The following USP43 variants were observed in gnomAD, a reference collection of about 807,000 sequenced individuals.
The protein encoded by USP43 is ubiquitin specific peptidase 43.
Under a neutral mutation model 90.7 loss-of-function variants are expected in USP43, and 33 were observed. The observed-to-expected ratio is 0.36, with a 90% CI of 0.28 to 0.49. USP43 has a LOEUF of 0.49. Ranked by LOEUF, USP43 falls within the 20% of genes least tolerant of loss-of-function variation. The pLI is 0.98. For synonymous variants in USP43, 598 were observed against 615.8 expected (o/e 0.97, Z 0.43); for missense variants, 1,274 against 1,476.4 (o/e 0.86, Z 2.25).
chr17:9,679,812 C>T (rs1799362601), intron 5 of USP43, among the ~76,000 whole-genome samples: 1 of 152,140 alleles, frequency 6.6e-6, no homozygotes, highest in Non-Finnish European at 1.5e-5. Context: ...AGTCACCCCT[C>T]TACTCTGCTA....
At chr17:9,662,534 G>A (rs1010703714) in intron 2 of USP43, among the ~76,000 whole-genome samples, 2 of 152,136 alleles carry the variant, frequency 1.3e-5, no homozygotes, top group Non-Finnish European at 2.9e-5. Context: ...GGTGAGCTAC[G>A]TCCACAGGTG....
chr17:9,682,553 G>C (rs761387087), intron 6 of USP43, among the ~76,000 whole-genome samples: 42 of 152,220 alleles, frequency 2.8e-4, no homozygotes, highest in Non-Finnish European at 5.0e-4. Context: ...CAGCCTGGGG[G>C]ACAGAGCGAG....
At chr17:9,669,097 G>C (rs1236320910) in intron 3 of USP43, among the ~76,000 whole-genome samples, 2 of 151,984 alleles carry the variant, frequency 1.3e-5, no homozygotes, top group African/African-American at 2.4e-5. Flanking sequence ...ACCTGCCTCG[G>C]CCTCCCAAAG....
chr17:9,649,677 TA>T (rs56962060), intron 1 of USP43, among the ~76,000 whole-genome samples: 14,412 of 107,994 alleles, frequency 0.13, 1,430 homozygotes, highest in African/African-American at 0.31. Flanking sequence ...TTGCACATTG[TA>T]AAAAAAAAAA....
chr17:9,672,335 C>T (rs80166344), intron 3 of USP43, among the ~76,000 whole-genome samples: 4,193 of 152,200 alleles, frequency 0.028, 145 homozygotes, highest in African/African-American at 0.084. Flanking sequence ...GCCCATTCTA[C>T]TTTTTTTCTA....
At chr17:9,664,118 G>C (rs753065968) in intron 2 of USP43, among the ~76,000 whole-genome samples, 4 of 152,138 alleles carry the variant, frequency 2.6e-5, no homozygotes, top group Non-Finnish European at 5.9e-5. Flanking sequence ...TGACCATTTT[G>C]AGCACTCATA....
chr17:9,664,960 A>G lies in USP43; in HGVS notation c.637-1688A>G, dbSNP rs1298447907. Among the ~76,000 whole-genome samples, 5 of 152,260 alleles carry G rather than the reference A, an allele frequency of 3.3e-5. No individual in the cohort carries two copies. In the East Asian group the frequency reaches 9.6e-4, roughly 29 times the overall value. On this transcript the variant is annotated intron_variant, in intron 2 of 14. Coordinates refer to ENST00000285199, the MANE Select transcript of USP43 (RefSeq NM_153210.5). ...TCAATATTTATATAGGTACGTTTAT[A>G]TTTTACTAAATAGCGTTATATTATG...
intron 8 of USP43, among the ~76,000 whole-genome samples, chr17:9,689,792 C>G (rs926666673): frequency 6.6e-6 from 1 of 152,128 alleles, no homozygotes; most frequent in Non-Finnish European, 1.5e-5. Context: ...AGTAGGCTGC[C>G]TCTGTGCAGA....
In USP43 at chr17:9,645,646, C is replaced by T; in HGVS notation, c.14C>T (p.Pro5Leu). 1 of 1,231,354 alleles carries T rather than the reference C, an allele frequency of 8.1e-7. No individual in the cohort carries two copies. The highest frequency in any genetic ancestry group is 1.0e-6 in the Non-Finnish European group (1 of 989,424). 76.3% of individuals were successfully genotyped at this position (1,231,354 alleles called of 1,614,324 possible). MDLG[P>L]GDAAGGGPLA... ...CCGGCGGCAGCCATGGACCTGGGCCCCGGGGACGCGGCAGGAGGGGGACCG... is the reference window on the plus strand; with the variant it reads ...CCGGCGGCAGCCATGGACCTGGGCCTCGGGGACGCGGCAGGAGGGGGACCG... Residue 5 changes from proline (P) to leucine (L), a missense_variant, in exon 1 of 15, where the codon CCC becomes CTC. Physicochemically the swap from Pro to Leu is moderately conservative, Grantham distance 98. Around this residue, in one of 6 missense-constraint regions of USP43, gnomAD observed 112 missense variants for 106.6 expected, o/e 1.05. Transcript: ENST00000285199. The surrounding 1 kb of genome is among the most constrained non-coding windows in gnomAD (Gnocchi z 6.8).
rs1917376125 is a variant in USP43, at chr17:9,728,207, A to G, written c.2589A>G (p.Ser863=). The G allele has an allele frequency of 6.2e-7, 1 of 1,613,972 alleles. No individual in the cohort carries two copies. Among genetic ancestry groups the G allele is most frequent in the Non-Finnish European group, 8.5e-7 (1 of 1,179,888 alleles). The change falls in exon 15 of 15, where the codon TCA becomes TCG. Residue 863 remains serine (S), a synonymous_variant. Transcript: ENST00000285199. The surrounding 1 kb of genome is among the most constrained non-coding windows in gnomAD (Gnocchi z 6.2). Reference sequence around the variant, plus strand: ...GCACTGCGGGTGAGGATGAGAAGTCAGCATCGCCGAGGTCCAACGTCGCCC... The same window carrying G: ...GCACTGCGGGTGAGGATGAGAAGTCGGCATCGCCGAGGTCCAACGTCGCCC... ...LTGTAGEDEK[S]ASPRSNVALP... is the part of the protein sequence containing the mutation.
chr17:9,655,955 C>T (rs148291342), intron 1 of USP43, among the ~76,000 whole-genome samples: 11 of 152,136 alleles, frequency 7.2e-5, no homozygotes, highest in African/African-American at 1.9e-4. Context: ...ATGAAATCAG[C>T]GAGGGAGAGC....
intron 14 of USP43, among the ~76,000 whole-genome samples, chr17:9,715,219 G>C (rs916921052): frequency 3.9e-5 from 6 of 152,188 alleles, no homozygotes; most frequent in African/African-American, 1.4e-4. Context: ...CTAGCATTTT[G>C]GGAGGCCAAG....
chr17:9,678,619 C>T (rs761901642), intron 5 of USP43, among the ~76,000 whole-genome samples: 4 of 151,930 alleles, frequency 2.6e-5, no homozygotes, highest in Non-Finnish European at 5.9e-5. Flanking sequence ...GGATTACAGG[C>T]GTGAGCCACT....
rs1421428887 is a variant in USP43 at position 9,728,475 on chromosome 17, A to G, written c.2857A>G (p.Met953Val). 5.0e-6 allele frequency: 8 copies of G among 1,613,724 alleles called. No individual in the cohort carries two copies. The highest frequency in any genetic ancestry group is 1.7e-5 in the Admixed American group (1 of 60,004). ...AGCTCGACCGGAGGGCCAGAAGGCC[A>G]TGAACTGGAAGGAGAGCTTCCAGAT... ...KPARPEGQKA[M>V]NWKESFQMGS... Residue 953 changes from methionine to valine, a missense_variant, in exon 15 of 15, where the codon ATG becomes GTG. Transcript: ENST00000285199. This position sits in a 1 kb window ranked among gnomAD's most constrained non-coding sequence, Gnocchi z 6.2.
At chr17:9,718,018 G>A (rs1355743439) in intron 14 of USP43, among the ~76,000 whole-genome samples, 4 of 151,434 alleles carry the variant, frequency 2.6e-5, no homozygotes, top group East Asian at 1.9e-4. Context: ...GGATGGTCTC[G>A]ATCTCTTCAT....
chr17:9,668,193 A>G (rs1913171831), intron 3 of USP43, among the ~76,000 whole-genome samples: 1 of 152,182 alleles, frequency 6.6e-6, no homozygotes, highest in Non-Finnish European at 1.5e-5. Flanking sequence ...TCGTCTGGAT[A>G]ATATTTCCTT....
intron 9 of USP43, among the ~76,000 whole-genome samples, chr17:9,696,385 C>T (rs908083075): frequency 6.6e-6 from 1 of 152,172 alleles, no homozygotes; most frequent in Non-Finnish European, 1.5e-5. Flanking sequence ...CCGCCTGCCT[C>T]TGCCTCCCAA....
intron 14 of USP43, among the ~76,000 whole-genome samples, chr17:9,718,936 T>C (rs891428664): frequency 3.3e-5 from 5 of 151,924 alleles, no homozygotes; most frequent in Non-Finnish European, 7.4e-5. Context: ...GGACATTTCT[T>C]TTCCCCTTAT....
Position 9,729,089 on chromosome 17 carries a change from T to C in USP43, c.*99T>C. ...GAATGGGTTTCCAGGAAACCCGTTG[T>C]CTTGTAATCTCTAAAAAAAAATTTT... On this transcript the variant is annotated 3_prime_UTR_variant, in exon 15 of 15. Coordinates refer to ENST00000285199, the MANE Select transcript of USP43 (RefSeq NM_153210.5). 1.6e-6 allele frequency: 2 copies of C among 1,269,140 alleles called. No homozygotes were observed. Among genetic ancestry groups the C allele is most frequent in the Non-Finnish European group, 2.1e-6 (2 of 968,166 alleles). 78.6% of individuals were successfully genotyped at this position (1,269,140 alleles called of 1,614,324 possible).
Sources: allele counts gnomAD v4.1 joint callset (sites outside exome capture counted in the v4.1 genomes callset), GRCh38; gene constraint gnomAD v4.1.1; regional missense constraint gnomAD v4.1.1; non-coding constraint Gnocchi (gnomAD v3.1); transcripts MANE v1.5; gene names NCBI Gene and HGNC (gene_info 2026-07-23, HGNC 2026-07-21).